PPFIA1: variants seen among roughly 807,000 people sequenced by gnomAD.
The protein encoded by PPFIA1 is PPFI scaffold protein A1.
A neutral mutation model predicts 149.9 loss-of-function variants in PPFIA1; 25 were observed. The observed-to-expected ratio is 0.17, with a 90% CI of 0.12 to 0.23. The LOEUF (loss-of-function observed/expected upper bound fraction) is 0.23. Among genes scored for constraint, PPFIA1 ranks in the 10% least tolerant of loss-of-function variants. The pLI is 1.00. For synonymous variants in PPFIA1, 549 were observed against 552.8 expected, an observed-to-expected ratio of 0.99 and a Z score of 0.10; for missense variants, 1,362 against 1,506.5, an observed-to-expected ratio of 0.90 and a Z score of 1.59.
chr11:70,294,973 A>G (rs2136248682), intron 2 of PPFIA1, among the ~76,000 whole-genome samples: 1 of 152,244 alleles, frequency 6.6e-6, no homozygotes, highest in South Asian at 2.1e-4. Context: ...CAGACATGGC[A>G]ACCATCCGAT....
intron 24 of PPFIA1, among the ~76,000 whole-genome samples, chr11:70,376,217 G>C (rs574918848): frequency 6.6e-6 from 1 of 152,316 alleles, no homozygotes; most frequent in African/African-American, 2.4e-5. Context: ...TCAAACTCCT[G>C]ATCTCAAGTG....
chr11:70,278,101 G>A (rs753823734), intron 2 of PPFIA1, among the ~76,000 whole-genome samples: 2 of 151,862 alleles, frequency 1.3e-5, no homozygotes, highest in East Asian at 3.9e-4. Context: ...AGTAGAGAAG[G>A]TGTTTCACCA....
chr11:70,378,056 A>G lies in PPFIA1; in HGVS notation c.3411A>G (p.Ala1137=). 6.2e-7 allele frequency: 1 copy of G among 1,613,074 alleles called. No homozygotes were observed. Among genetic ancestry groups the G allele is most frequent in the South Asian group, 1.1e-5 (1 of 90,854 alleles). The change falls in exon 26 of 28, where the codon GCA becomes GCG. Residue 1137 remains alanine, a synonymous_variant. Coordinates refer to ENST00000253925, the MANE Select transcript of PPFIA1 (RefSeq NM_003626.5). ...ATGATGATAAAAGCTTTAGGAGAGC[A>G]CCTTCATGGAGAAAAAAGTTTAGAC... ...DEDDDKSFRR[A]PSWRKKFRPK...
At position 70,348,252 on chromosome 11, in the gene PPFIA1, C is replaced by G; in HGVS notation, c.1995C>G (p.Gly665=). 6.2e-7 allele frequency: 1 copy of G among 1,614,182 alleles called. No homozygotes were observed. Among genetic ancestry groups the G allele is most frequent in the Non-Finnish European group, 8.5e-7 (1 of 1,180,048 alleles). The change falls in exon 16 of 28, where the codon GGC becomes GGG. Residue 665 remains glycine, a synonymous_variant. Transcript: ENST00000253925. ...QRAEEIESRV[G]SGSLDNLGRF... ...CAGAGGAGATTGAAAGTCGAGTTGGCAGTGGAAGTCTAGACAATCTTGGTC... is the reference window on the plus strand; with the variant it reads ...CAGAGGAGATTGAAAGTCGAGTTGGGAGTGGAAGTCTAGACAATCTTGGTC...
intron 19 of PPFIA1, among the ~76,000 whole-genome samples, chr11:70,356,777 T>C (rs1182200216): frequency 6.6e-6 from 1 of 152,258 alleles, no homozygotes; most frequent in Non-Finnish European, 1.5e-5. Flanking sequence ...TTCATACTGC[T>C]GGTCTGTCCG....
At chr11:70,280,082 A>T (rs972035398) in intron 2 of PPFIA1, among the ~76,000 whole-genome samples, 4 of 151,460 alleles carry the variant, frequency 2.6e-5, no homozygotes, top group African/African-American at 9.7e-5. Flanking sequence ...TAATTTCTGT[A>T]TTTTCAGTGG....
At chr11:70,289,041 C>G (rs1480545054) in intron 2 of PPFIA1, among the ~76,000 whole-genome samples, 1 of 150,356 alleles carries the variant, frequency 6.7e-6, no homozygotes, top group Non-Finnish European at 1.5e-5. Context: ...CATCTCAGCT[C>G]ACTGCAAGCT....
At chr11:70,376,692 T>G (rs1310863193) in intron 25 of PPFIA1, 92 bp downstream of exon 25, 1 of 1,082,764 alleles carries the variant, frequency 9.2e-7, no homozygotes, top group Admixed American at 1.7e-5. Flanking sequence ...TTATTATACT[T>G]GGGACATCAT....
chr11:70,335,542 A>C lies in PPFIA1; in HGVS notation c.1297-21A>C, dbSNP rs371875760. On this transcript the variant is annotated intron_variant, in intron 10 of 27. Transcript: ENST00000253925. ...CGAGGATTTACGTGAGGTTTATAAGACTTTGTTTCTCCTGCTTTAGGCAAG... is the reference window on the plus strand; with the variant it reads ...CGAGGATTTACGTGAGGTTTATAAGCCTTTGTTTCTCCTGCTTTAGGCAAG... 2.9e-5 allele frequency: 47 copies of C among 1,611,864 alleles called. No homozygotes were observed. In the African/African-American group the frequency reaches 5.9e-4, roughly 20 times the overall value.
intron 4 of PPFIA1, 94 bp downstream of exon 4, chr11:70,325,105 T>A: frequency 8.1e-7 from 1 of 1,240,906 alleles, no homozygotes; most frequent in Non-Finnish European, 1.1e-6. Flanking sequence ...TTGAAGCTTC[T>A]TGAATTCTTG....
At chr11:70,291,865 T>G in intron 2 of PPFIA1, among the ~76,000 whole-genome samples, 1 of 135,240 alleles carries the variant, frequency 7.4e-6, no homozygotes, top group Non-Finnish European at 1.6e-5. Context: ...TTTGAGACAG[T>G]CTTGCTCTGT....
intron 2 of PPFIA1, among the ~76,000 whole-genome samples, chr11:70,283,557 G>A (rs556839375): frequency 6.6e-6 from 1 of 152,184 alleles, no homozygotes; most frequent in Non-Finnish European, 1.5e-5. Context: ...GGTTGCAGTG[G>A]AAGGTGTGCT....
intron 2 of PPFIA1, among the ~76,000 whole-genome samples, chr11:70,320,569 G>A (rs1025287382): frequency 6.6e-6 from 1 of 151,550 alleles, no homozygotes; most frequent in East Asian, 1.9e-4. Context: ...TATGCTACTG[G>A]GTCTACGCAT....
Position 70,302,225 on chromosome 11 carries a change from G to A in PPFIA1, c.265-22177G>A, listed in dbSNP as rs76454532. Among the ~76,000 whole-genome samples the A allele has an allele frequency of 1.1e-3, 169 of 152,342 alleles. No homozygotes were observed. The East Asian group carries it at 0.029, about 26-fold the overall frequency. On this transcript the variant is annotated intron_variant, in intron 2 of 27. Transcript: ENST00000253925. ...AGGGGATCGTGGGGATGGCAGCAGT[G>A]GGAAGAGAGGCTCGATTGGAGGAGG... is the stretch of plus-strand genomic sequence containing the variant.
intron 2 of PPFIA1, among the ~76,000 whole-genome samples, chr11:70,308,504 A>G (rs942355680): frequency 3.3e-5 from 5 of 152,252 alleles, no homozygotes; most frequent in African/African-American, 9.6e-5. Context: ...ATCAATGCCA[A>G]AAGTCACATA....
chr11:70,374,595 G>A (rs1235564243), intron 23 of PPFIA1: 13 of 264,434 alleles, frequency 4.9e-5, no homozygotes, highest in Non-Finnish European at 7.8e-5. Flanking sequence ...TACATGTTAG[G>A]TATTCAAGTT....
intron 2 of PPFIA1, among the ~76,000 whole-genome samples, chr11:70,287,880 C>G (rs1004589026): frequency 4.0e-5 from 6 of 151,670 alleles, no homozygotes; most frequent in African/African-American, 1.5e-4. Context: ...CTCCTGGGCT[C>G]AAGTGATCCT....
At chr11:70,359,655 C>G (rs2056535244) in intron 19 of PPFIA1, among the ~76,000 whole-genome samples, 1 of 152,212 alleles carries the variant, frequency 6.6e-6, no homozygotes, top group African/African-American at 2.4e-5. Context: ...CCCTTACATA[C>G]TGTTTGATCA....
intron 2 of PPFIA1, among the ~76,000 whole-genome samples, chr11:70,302,795 C>G (rs625294): frequency 0.48 from 69,573 of 144,230 alleles, 19,331 homozygotes; most frequent in African/African-American, 0.78. Context: ...TTTTTAAAGA[C>G]ATGTGATCCC....
Sources: gnomAD v4.1 joint callset for allele counts (sites outside exome capture counted in the v4.1 genomes callset) on GRCh38, gnomAD v4.1.1 for gene constraint, MANE v1.5 for transcripts, NCBI Gene and HGNC (gene_info 2026-07-23, HGNC 2026-07-21) for gene names.